The following HAUS6 variants were observed in gnomAD, a reference collection of about 807,000 sequenced individuals.
HAUS6 encodes HAUS augmin like complex subunit 6, also known as HAUS augmin-like complex subunit 6.
A neutral mutation model predicts 106.8 loss-of-function variants in HAUS6; 80 were observed. The observed-to-expected ratio is 0.75, with a 90% confidence interval of 0.63 to 0.90. HAUS6 has a LOEUF of 0.90. Among genes scored for constraint, HAUS6 ranks in the 40% least tolerant of loss-of-function variants. The pLI is 0.00. For synonymous variants in HAUS6, 356 were observed against 379.1 expected (o/e 0.94, Z 0.71); for missense variants, 1,155 against 1,118.1 (o/e 1.03, Z -0.47).
At chr9:19,099,790 C>G (rs897092642) in intron 1 of HAUS6, among the ~76,000 whole-genome samples, 1 of 152,192 alleles carries the variant, frequency 6.6e-6, no homozygotes, top group Non-Finnish European at 1.5e-5. Context: ...TGGCTCATGT[C>G]TGTAATCCCA....
At chr9:19,073,448 A>T (rs1423235448) in intron 11 of HAUS6, among the ~76,000 whole-genome samples, 3 of 151,868 alleles carry the variant, frequency 2.0e-5, no homozygotes, top group African/African-American at 7.2e-5. Flanking sequence ...TCCCAAGAGT[A>T]CAACTTCCAA....
At chr9:19,063,265 G>C in intron 13 of HAUS6, 72 bp from the exon 14 acceptor site, 1 of 961,594 alleles carries the variant, frequency 1.0e-6, no homozygotes, top group Non-Finnish European at 1.6e-6. Context: ...TTCATTAGCA[G>C]TTCACTGGTT....
chr9:19,086,762 TG>T lies in HAUS6; in HGVS notation c.670del (p.His224ThrfsTer18). 1 of 1,225,346 alleles carries T rather than the reference TG, an allele frequency of 8.2e-7. No homozygotes were observed. Among genetic ancestry groups the T allele is most frequent in the Non-Finnish European group, 1.2e-6 (1 of 840,740 alleles). The allele number at this position is 1,225,346 out of a possible 1,614,324, so 75.9% of individuals were successfully genotyped here. A position where few individuals can be genotyped will look rare whatever the true frequency, so the allele number is the denominator to read the frequency against. ...TTGAATTTTTTCTTCCATATTACTG[TG>T]GTCATCATAGGGTTCCATTCTAATA... is the stretch of plus-strand genomic sequence containing the variant. ...QIKKMEPYDD[H>X]SNMEEKIQKV... On this transcript the variant is annotated frameshift_variant, in exon 7 of 17. Transcript: ENST00000380502. LOFTEE classifies it high-confidence loss of function.
rs773739059 is a variant in HAUS6, at chr9:19,078,133, A to AC, written c.1191+42_1191+43insG. 5.0e-5 allele frequency: 71 copies of AC among 1,410,188 alleles called. No homozygotes were observed. The Middle Eastern group carries it at 1.0e-3, about 21-fold the overall frequency. 87.4% of individuals were successfully genotyped at this position (1,410,188 alleles called of 1,614,324 possible). ...GACACTGTCTCAAAAAAAAAAAAAA[A>AC]GGTGGGTGGCGGGGAGGGCAGGGGC... On this transcript the variant is annotated intron_variant, in intron 10 of 16. Coordinates refer to ENST00000380502, the MANE Select transcript of HAUS6 (RefSeq NM_017645.5).
At chr9:19,096,633 T>G in intron 2 of HAUS6, 41 bp downstream of exon 2, 1 of 878,068 alleles carries the variant, frequency 1.1e-6, no homozygotes, top group Non-Finnish European at 1.8e-6. Context: ...CATTTTCAAA[T>G]TTGGAAAGAA....
chr9:19,065,802 T>C (rs1351638215), intron 12 of HAUS6, among the ~76,000 whole-genome samples: 1 of 151,950 alleles, frequency 6.6e-6, no homozygotes, highest in Non-Finnish European at 1.5e-5. Flanking sequence ...GATCGTGCCA[T>C]TGCACTCCAG....
chr9:19,094,854 C>A (rs1205504655), intron 2 of HAUS6, among the ~76,000 whole-genome samples: 1 of 151,814 alleles, frequency 6.6e-6, no homozygotes, highest in Non-Finnish European at 1.5e-5. Flanking sequence ...GAGACACCAA[C>A]CTGTGAGAAA....
Position 19,060,727 on chromosome 9 carries a change from C to T in HAUS6, c.1630-504G>A, listed in dbSNP as rs776884015. ...TTCATTACTGAAAAAAGCATACGTA[C>T]ATTCTAAAACTAAAAAAGTATCCAA... On this transcript the variant is annotated intron_variant, in intron 14 of 16. Coordinates refer to ENST00000380502, the MANE Select transcript of HAUS6 (RefSeq NM_017645.5). 3.1e-4 allele frequency among the ~76,000 whole-genome samples: 47 copies of T among 152,208 alleles called. 1 individual carries two copies. The highest frequency in any genetic ancestry group is 6.5e-4 in the Non-Finnish European group (44 of 68,038).
At position 19,056,217 on chromosome 9, in the gene HAUS6, G is replaced by C; in HGVS notation, c.*126C>G. The C allele has an allele frequency of 3.4e-6, 2 of 582,152 alleles. No individual in the cohort carries two copies. Among genetic ancestry groups the C allele is most frequent in the Non-Finnish European group, 6.2e-6 (2 of 323,020 alleles). 36.1% of individuals were successfully genotyped at this position (582,152 alleles called of 1,614,324 possible). On this transcript the variant is annotated 3_prime_UTR_variant, in exon 17 of 17. Transcript: ENST00000380502. ...TATTAAAGAAGGCTAAAAGGCATTA[G>C]GAATTTTTTTAAACCTTGAAAAACA... is the stretch of plus-strand genomic sequence containing the variant.
chr9:19,067,473 C>A (rs1462737406), intron 12 of HAUS6, among the ~76,000 whole-genome samples: 2 of 152,160 alleles, frequency 1.3e-5, no homozygotes, highest in South Asian at 2.1e-4. Flanking sequence ...CCTTCCCCTA[C>A]CTCCCTTCAG....
chr9:19,094,042 T>A (rs1214096652), intron 3 of HAUS6, among the ~76,000 whole-genome samples: 1 of 152,150 alleles, frequency 6.6e-6, no homozygotes, highest in Admixed American at 6.5e-5. Context: ...TAAAATAATA[T>A]ACGGTTGGAA....
chr9:19,086,421 G>T (rs1301812671), intron 7 of HAUS6, among the ~76,000 whole-genome samples: 1 of 152,134 alleles, frequency 6.6e-6, no homozygotes, highest in Non-Finnish European at 1.5e-5. Context: ...AAGAGTTCAA[G>T]ACCAGCCTGG....
chr9:19,101,690 G>A (rs985829800), intron 1 of HAUS6, among the ~76,000 whole-genome samples: 1 of 152,212 alleles, frequency 6.6e-6, no homozygotes, highest in Non-Finnish European at 1.5e-5. Flanking sequence ...GGGAGGCCGA[G>A]GCAGGTGGAT....
intron 2 of HAUS6, among the ~76,000 whole-genome samples, 189 bp from the exon 3 acceptor site, chr9:19,094,584 G>A (rs1817822504): frequency 6.6e-6 from 1 of 152,122 alleles, no homozygotes; most frequent in East Asian, 1.9e-4. Flanking sequence ...TTGAGGCCAG[G>A]AGTTTGAGAC....
Position 19,076,589 on chromosome 9 carries a change from A to C in HAUS6, c.1294+13T>G. ...GGAGGTTTCAAAGAGAAAAAAATAA[A>C]TAAATAACCAACCTGGAAGTGAAGC... On this transcript the variant is annotated intron_variant, in intron 11 of 16. Transcript: ENST00000380502. 7.9e-7 allele frequency: 1 copy of C among 1,270,982 alleles called. No homozygotes were observed. Among genetic ancestry groups the C allele is most frequent in the South Asian group, 1.3e-5 (1 of 79,588 alleles). The allele number at this position is 1,270,982 out of a possible 1,614,324, so 78.7% of individuals were successfully genotyped here.
At chr9:19,084,345 T>G (rs182848254) in intron 7 of HAUS6, among the ~76,000 whole-genome samples, 84 of 152,332 alleles carry the variant, frequency 5.5e-4, no homozygotes, top group African/African-American at 1.9e-3. Flanking sequence ...GTGAGGGCAC[T>G]GTTTCCCCGT....
chr9:19,074,341 A>T (rs1362736610), intron 11 of HAUS6, among the ~76,000 whole-genome samples: 1 of 152,132 alleles, frequency 6.6e-6, no homozygotes, highest in Non-Finnish European at 1.5e-5. Context: ...GAGCAGTAAT[A>T]GATCATTGCA....
At chr9:19,064,924 C>A (rs1414653023) in intron 12 of HAUS6, 4 of 152,088 alleles carry the variant, frequency 2.6e-5, no homozygotes, top group African/African-American at 9.7e-5. Flanking sequence ...AATCTATGGA[C>A]CAATGCCACT....
At chr9:19,067,903 A>G (rs1459051758) in intron 12 of HAUS6, among the ~76,000 whole-genome samples, 1 of 152,030 alleles carries the variant, frequency 6.6e-6, no homozygotes, top group East Asian at 1.9e-4. Flanking sequence ...CATGTTGGTC[A>G]GGCTAGTCTC....
Sources: allele counts gnomAD v4.1 joint callset (sites outside exome capture counted in the v4.1 genomes callset), GRCh38; gene constraint gnomAD v4.1.1; transcripts MANE v1.5; gene names NCBI Gene and HGNC (gene_info 2026-07-23, HGNC 2026-07-21).